CDH13: variants seen among roughly 807,000 people sequenced by gnomAD.
CDH13 encodes the protein cadherin-13.
Under a neutral mutation model 63.8 loss-of-function variants are expected in CDH13, and 24 were observed. The observed-to-expected ratio is 0.38, with a 90% CI of 0.27 to 0.53. The LOEUF (loss-of-function observed/expected upper bound fraction) is 0.53. CDH13 is among the 20% of genes least tolerant of loss of function. CDH13 has a pLI of 0.85. For missense variants in CDH13, 1,049 were observed against 903.1 expected, an observed-to-expected ratio of 1.16 and a Z score of -2.07; for synonymous variants, 503 against 355.3, an observed-to-expected ratio of 1.42 and a Z score of -4.67.
intron 8 of CDH13, among the ~76,000 whole-genome samples, chr16:83,670,162 G>C (rs1424181648): frequency 6.6e-6 from 1 of 152,152 alleles, no homozygotes; most frequent in African/African-American, 2.4e-5. Flanking sequence ...GGGAAGGATG[G>C]GATTGGTTTT....
chr16:83,785,293 A>T (rs1915805329), intron 13 of CDH13, among the ~76,000 whole-genome samples: 1 of 152,190 alleles, frequency 6.6e-6, no homozygotes. Context: ...GTCTAGTGAA[A>T]GCCCACATTC....
chr16:83,321,629 C>T (rs1273105221), intron 5 of CDH13, among the ~76,000 whole-genome samples: 2 of 147,120 alleles, frequency 1.4e-5, no homozygotes, highest in African/African-American at 5.0e-5. Flanking sequence ...CCTGGGTTCA[C>T]AACATTCTCC....
At chr16:83,716,476 C>G (rs1315592570) in intron 10 of CDH13, among the ~76,000 whole-genome samples, 2 of 152,088 alleles carry the variant, frequency 1.3e-5, no homozygotes, top group African/African-American at 4.8e-5. Context: ...CTCTGCTGTA[C>G]CTCTTACTGG....
chr16:83,361,316 T>C (rs1218770314), intron 6 of CDH13, among the ~76,000 whole-genome samples: 1 of 152,248 alleles, frequency 6.6e-6, no homozygotes, highest in East Asian at 1.9e-4. Context: ...AAGTTCCTTA[T>C]AGATTCCAGA....
chr16:82,936,741 G>C (rs1198975838), intron 2 of CDH13, among the ~76,000 whole-genome samples: 2 of 152,164 alleles, frequency 1.3e-5, no homozygotes. Context: ...GACGAGCACT[G>C]TGAGAATAGG....
chr16:83,460,419 A>T (rs2073145296), intron 6 of CDH13, among the ~76,000 whole-genome samples: 2 of 152,220 alleles, frequency 1.3e-5, no homozygotes, highest in South Asian at 4.1e-4. Context: ...GGGCACAGAG[A>T]CAAGAACACT....
chr16:83,248,512 C>T (rs936858673), intron 5 of CDH13, among the ~76,000 whole-genome samples: 1 of 152,112 alleles, frequency 6.6e-6, no homozygotes, highest in East Asian at 1.9e-4. Context: ...AAGTCAGGCT[C>T]AAGGGTCATC....
At chr16:82,672,411 G>A (rs570992014) in intron 1 of CDH13, among the ~76,000 whole-genome samples, 2 of 152,040 alleles carry the variant, frequency 1.3e-5, no homozygotes, top group South Asian at 4.2e-4. Context: ...CTTAAACTCG[G>A]TACATCTATC....
At chr16:82,686,823 C>T (rs1377861160) in intron 1 of CDH13, among the ~76,000 whole-genome samples, 1 of 152,104 alleles carries the variant, frequency 6.6e-6, no homozygotes, top group Non-Finnish European at 1.5e-5. Context: ...TACCCATGGC[C>T]ATAACACCCC....
intron 1 of CDH13, among the ~76,000 whole-genome samples, chr16:82,846,919 A>G (rs918149606): frequency 6.6e-6 from 1 of 152,244 alleles, no homozygotes; most frequent in African/African-American, 2.4e-5. Flanking sequence ...AATAAAATAA[A>G]AAATGAGAGA....
chr16:83,083,618 A>C (rs2033402972), intron 3 of CDH13, among the ~76,000 whole-genome samples: 1 of 152,174 alleles, frequency 6.6e-6, no homozygotes, highest in Non-Finnish European at 1.5e-5. Context: ...CAATAACATG[A>C]AATATGGAAT....
At chr16:82,628,225 G>A (rs564565878) in intron 1 of CDH13, among the ~76,000 whole-genome samples, 14 of 152,198 alleles carry the variant, frequency 9.2e-5, no homozygotes, top group Non-Finnish European at 1.8e-4. Context: ...CTTGGAGTGA[G>A]CTGGCAGCCT....
At chr16:82,678,127 G>T (rs543732779) in intron 1 of CDH13, among the ~76,000 whole-genome samples, 8 of 152,136 alleles carry the variant, frequency 5.3e-5, no homozygotes, top group African/African-American at 1.7e-4. Context: ...TATCTAGTAC[G>T]GGAAACTTTC....
chr16:83,149,630 T>C (rs2036889923), intron 4 of CDH13, among the ~76,000 whole-genome samples: 1 of 152,138 alleles, frequency 6.6e-6, no homozygotes, highest in Non-Finnish European at 1.5e-5. Flanking sequence ...TTCAAAACAG[T>C]GGGAATAATG....
chr16:83,107,586 GT>G (rs1411753898), intron 3 of CDH13, among the ~76,000 whole-genome samples: 1 of 152,144 alleles, frequency 6.6e-6, no homozygotes, highest in Non-Finnish European at 1.5e-5. Context: ...AAACTCCTAT[GT>G]TTACACACTA....
intron 5 of CDH13, among the ~76,000 whole-genome samples, chr16:83,291,876 C>T (rs1481056559): frequency 6.6e-6 from 1 of 152,082 alleles, no homozygotes; most frequent in Non-Finnish European, 1.5e-5. Flanking sequence ...GATTCTTTTC[C>T]ATATAGCTAA....
chr16:83,092,131 C>G (rs569223797), intron 3 of CDH13, among the ~76,000 whole-genome samples: 1 of 152,210 alleles, frequency 6.6e-6, no homozygotes, highest in African/African-American at 2.4e-5. Context: ...TCATTATGGA[C>G]TGTCAAAATT....
At chr16:83,224,503 T>A (rs1486414967) in intron 5 of CDH13, among the ~76,000 whole-genome samples, 1 of 152,202 alleles carries the variant, frequency 6.6e-6, no homozygotes, top group East Asian at 1.9e-4. Context: ...ACTTCTGTCA[T>A]CATTAGGGTC....
chr16:82,808,476 A>G (rs1048438975), intron 1 of CDH13, among the ~76,000 whole-genome samples: 2 of 152,208 alleles, frequency 1.3e-5, no homozygotes, highest in East Asian at 3.9e-4. Flanking sequence ...TCAGAGATGA[A>G]ATAAGAAGGA....
Sources: gnomAD v4.1 joint callset for allele counts (sites outside exome capture counted in the v4.1 genomes callset) on GRCh38, gnomAD v4.1.1 for gene constraint, MANE v1.5 for transcripts, NCBI Gene and HGNC (gene_info 2026-07-23, HGNC 2026-07-21) for gene names.